Variants in RAP1A observed in about 807,000 individuals in gnomAD.
The protein encoded by RAP1A is ras-related protein Rap-1A.
RAP1A carries 6 observed loss-of-function variants against 26.4 expected under a neutral mutation model. The observed-to-expected ratio is 0.23, with a 90% CI of 0.12 to 0.45. The LOEUF is 0.45. Among genes scored for constraint, RAP1A ranks in the 20% least tolerant of loss-of-function variants. The pLI is 0.99. For synonymous variants in RAP1A, 73 were observed against 79.4 expected, an observed-to-expected ratio of 0.92 and a Z score of 0.43; for missense variants, 121 against 217.2, an observed-to-expected ratio of 0.56 and a Z score of 2.78.
intron 1 of RAP1A, among the ~76,000 whole-genome samples, chr1:111,574,678 T>C (rs1364428587): frequency 6.6e-6 from 1 of 152,236 alleles, no homozygotes; most frequent in Non-Finnish European, 1.5e-5. Flanking sequence ...TCACTTCTCC[T>C]GGGACACAGC....
chr1:111,596,991 G>A (rs1169929959), intron 1 of RAP1A, among the ~76,000 whole-genome samples: 6 of 152,138 alleles, frequency 3.9e-5, no homozygotes, highest in Non-Finnish European at 7.4e-5. Flanking sequence ...AATATTATCC[G>A]GGCGAAAGGT....
chr1:111,658,022 CTTTATAA>C (rs1205126109), intron 1 of RAP1A, among the ~76,000 whole-genome samples: 1 of 152,074 alleles, frequency 6.6e-6, no homozygotes, highest in Non-Finnish European at 1.5e-5. Context: ...TTGAGACTTA[CTTTATAA>C]TTTAGAATAT....
intron 1 of RAP1A, among the ~76,000 whole-genome samples, chr1:111,584,500 T>C (rs1658322970): frequency 6.6e-6 from 1 of 152,130 alleles, no homozygotes; most frequent in Admixed American, 6.5e-5. Context: ...AAGCCTCTTT[T>C]ATAAGGGCAC....
At chr1:111,548,762 G>A (rs532102769) in intron 1 of RAP1A, among the ~76,000 whole-genome samples, 1 of 152,180 alleles carries the variant, frequency 6.6e-6, no homozygotes, top group African/African-American at 2.4e-5. Flanking sequence ...TTTCTTTGGG[G>A]CGTTGTCCCC....
At chr1:111,560,443 A>G (rs983925241) in intron 1 of RAP1A, among the ~76,000 whole-genome samples, 1 of 125,568 alleles carries the variant, frequency 8.0e-6, no homozygotes, top group Non-Finnish European at 1.6e-5. Flanking sequence ...AACAGATTGA[A>G]AGAAGCCCTT....
intron 1 of RAP1A, among the ~76,000 whole-genome samples, chr1:111,603,346 A>T (rs984113123): frequency 6.6e-6 from 1 of 152,190 alleles, no homozygotes; most frequent in East Asian, 1.9e-4. Context: ...TGGGAAGGGT[A>T]ATGACAACAA....
chr1:111,619,751 C>A (rs2101086223), upstream of RAP1A: 1 of 395,064 alleles, frequency 2.5e-6, no homozygotes, highest in East Asian at 3.6e-5. Flanking sequence ...GGGGCGGGGC[C>A]TGCGTGGTGC....
rs570350032 is a variant in RAP1A at position 111,565,214 on chromosome 1, G to A, written c.-28+22705G>A. Among the ~76,000 whole-genome samples, 12 of 152,300 alleles carry A rather than the reference G, an allele frequency of 7.9e-5. No homozygotes were observed. The South Asian group carries it at 1.0e-3, about 13-fold the overall frequency. On this transcript the variant is annotated intron_variant, in intron 1 of 7. Transcript: ENST00000356415. Reference sequence around the variant, plus strand: ...GTGGCTGGAGCAGAATGAACAAAGGGGGGGAGTGTGGTAGAAGATGAGGTC... The same window carrying A: ...GTGGCTGGAGCAGAATGAACAAAGGAGGGGAGTGTGGTAGAAGATGAGGTC...
chr1:111,698,934 AC>A (rs1267662627), intron 4 of RAP1A, among the ~76,000 whole-genome samples: 1 of 140,782 alleles, frequency 7.1e-6, no homozygotes, highest in African/African-American at 2.5e-5. Flanking sequence ...TAAAATGAAT[AC>A]TTTCTGCTTT....
At chr1:111,553,249 G>A (rs1311269341) in intron 1 of RAP1A, among the ~76,000 whole-genome samples, 1 of 152,234 alleles carries the variant, frequency 6.6e-6, no homozygotes, top group Non-Finnish European at 1.5e-5. Context: ...AGGCAGGTAT[G>A]CACACATTCC....
At chr1:111,700,436 T>C (rs1004403093) in intron 4 of RAP1A, among the ~76,000 whole-genome samples, 4 of 152,032 alleles carry the variant, frequency 2.6e-5, no homozygotes, top group African/African-American at 7.2e-5. Context: ...CCACACACTT[T>C]TAAACAACCA....
intron 1 of RAP1A, among the ~76,000 whole-genome samples, chr1:111,624,145 T>C (rs917404421): frequency 9.9e-5 from 15 of 152,256 alleles, no homozygotes; most frequent in Non-Finnish European, 1.6e-4. Flanking sequence ...CATCTAATCA[T>C]TTGTAAGAAG....
At chr1:111,622,383 A>G (rs3849172) in intron 1 of RAP1A, among the ~76,000 whole-genome samples, 12,802 of 151,582 alleles carry the variant, frequency 0.084, 687 homozygotes, top group African/African-American at 0.17. Context: ...CTCCAGCCAC[A>G]CTGGCCTCCT....
chr1:111,557,390 T>C (rs1265379883), intron 1 of RAP1A, among the ~76,000 whole-genome samples: 2 of 151,632 alleles, frequency 1.3e-5, no homozygotes, highest in African/African-American at 4.8e-5. Flanking sequence ...CTACTAAAAA[T>C]ACAAAAACAA....
intron 1 of RAP1A, among the ~76,000 whole-genome samples, chr1:111,594,506 A>AGGAAGGAAGGGGAAGGGGAAAG (rs1397571715): frequency 3.4e-5 from 5 of 146,086 alleles, no homozygotes; most frequent in Admixed American, 3.4e-4. Context: ...GACAGATGGA[A>AGGAAGGAAGGGGAAGGGGAAAG]GGAAGGAAGG....
At chr1:111,607,002 C>A (rs979809080) in intron 1 of RAP1A, among the ~76,000 whole-genome samples, 4 of 136,624 alleles carry the variant, frequency 2.9e-5, no homozygotes, top group African/African-American at 8.6e-5. Flanking sequence ...AATTCATTTT[C>A]TTTTATTTAT....
At chr1:111,635,448 A>C (rs1388579903) in intron 1 of RAP1A, among the ~76,000 whole-genome samples, 2 of 152,238 alleles carry the variant, frequency 1.3e-5, no homozygotes, top group Admixed American at 1.3e-4. Context: ...TGGAGAAAGA[A>C]CAATATCTAT....
At chr1:111,690,878 A>G (rs992842529) in intron 1 of RAP1A, among the ~76,000 whole-genome samples, 1 of 152,252 alleles carries the variant, frequency 6.6e-6, no homozygotes, top group Non-Finnish European at 1.5e-5. Flanking sequence ...GTTCAGCTAT[A>G]ATACAATAAT....
chr1:111,577,416 A>AAG, intron 1 of RAP1A, among the ~76,000 whole-genome samples: 1 of 150,984 alleles, frequency 6.6e-6, no homozygotes, highest in East Asian at 1.9e-4. Flanking sequence ...AAAAAAAAAA[A>AAG]AAAAAAAAAA....
Sources: allele counts gnomAD v4.1 joint callset (sites outside exome capture counted in the v4.1 genomes callset), GRCh38; gene constraint gnomAD v4.1.1; transcripts MANE v1.5; gene names NCBI Gene and HGNC (gene_info 2026-07-23, HGNC 2026-07-21).